The following FRMD5 variants were observed in gnomAD, a reference collection of about 807,000 sequenced individuals.
FRMD5 encodes FERM domain-containing protein 5.
Under a neutral mutation model 69.0 loss-of-function variants are expected in FRMD5, and 20 were observed. That is an observed-to-expected ratio of 0.29 (90% CI 0.20 to 0.42). FRMD5 has a LOEUF of 0.42. Among genes scored for constraint, FRMD5 ranks in the 10% least tolerant of loss-of-function variants. The pLI is 1.00. For synonymous variants in FRMD5, 271 were observed against 260.1 expected, an observed-to-expected ratio of 1.04 and a Z score of -0.40; for missense variants, 595 against 708.6, an observed-to-expected ratio of 0.84 and a Z score of 1.82.
intron 1 of FRMD5, among the ~76,000 whole-genome samples, chr15:44,023,075 G>A (rs1566904495): frequency 6.6e-6 from 1 of 152,116 alleles, no homozygotes; most frequent in Non-Finnish European, 1.5e-5. Context: ...TGTTAGATAT[G>A]TATTTATGCA....
At chr15:44,029,094 A>T (rs1003433096) in intron 1 of FRMD5, among the ~76,000 whole-genome samples, 6 of 152,226 alleles carry the variant, frequency 3.9e-5, no homozygotes, top group African/African-American at 1.4e-4. Context: ...AAGAGGCCAT[A>T]GTGAGAGGAA....
At chr15:44,046,743 C>T (rs1487887420) in intron 1 of FRMD5, among the ~76,000 whole-genome samples, 2 of 152,086 alleles carry the variant, frequency 1.3e-5, no homozygotes, top group South Asian at 2.1e-4. Flanking sequence ...TTAGTGTTTG[C>T]AAATTCTTGG....
At chr15:44,132,653 T>G (rs1358037913) in intron 1 of FRMD5, among the ~76,000 whole-genome samples, 3 of 152,168 alleles carry the variant, frequency 2.0e-5, no homozygotes, top group Non-Finnish European at 4.4e-5. Flanking sequence ...GGTCTCAAAC[T>G]GCTGGACTCA....
intron 1 of FRMD5, among the ~76,000 whole-genome samples, chr15:44,095,013 G>C (rs571002086): frequency 6.6e-6 from 1 of 151,936 alleles, no homozygotes; most frequent in Non-Finnish European, 1.5e-5. Context: ...CCGACATAGA[G>C]TCCCACCCAA....
intron 1 of FRMD5, among the ~76,000 whole-genome samples, chr15:43,951,676 T>C (rs1236982637): frequency 1.3e-5 from 2 of 152,230 alleles, no homozygotes; most frequent in African/African-American, 4.8e-5. Flanking sequence ...TTAGATGTTA[T>C]TGTCCTTTAA....
At chr15:44,041,220 A>G (rs758258706) in intron 1 of FRMD5, among the ~76,000 whole-genome samples, 26 of 152,188 alleles carry the variant, frequency 1.7e-4, no homozygotes, top group Admixed American at 5.2e-4. Context: ...CAGACCTACA[A>G]AGAGACTTAG....
At chr15:43,879,599 C>A (rs887634391) in intron 13 of FRMD5, 2 of 398,906 alleles carry the variant, frequency 5.0e-6, no homozygotes, top group Non-Finnish European at 8.8e-6. Flanking sequence ...CACTTAGGGG[C>A]CGAAAGCAGT....
rs11397296 is a variant in FRMD5, at chr15:43,996,715, A to ATTT, written c.103-72409_103-72407dup. Among the ~76,000 whole-genome samples the ATTT allele has an allele frequency of 5.1e-3, 439 of 86,000 alleles. 5 individuals are homozygous for ATTT. The highest frequency in any genetic ancestry group is 7.4e-3 in the East Asian group (18 of 2,430). 56.4% of individuals were successfully genotyped at this position (86,000 alleles called of 152,430 possible). On this transcript the variant is annotated intron_variant, in intron 1 of 13. Transcript: ENST00000417257. Reference sequence around the variant, plus strand: ...TTTTTTTTTTTAAGCTCCTCAGCTGATTTTTTTTTTTTTTTTTTTTTGTAT... The same window carrying ATTT: ...TTTTTTTTTTTAAGCTCCTCAGCTGATTTTTTTTTTTTTTTTTTTTTTTTGTAT...
intron 1 of FRMD5, among the ~76,000 whole-genome samples, chr15:44,018,292 G>A (rs1891060689): frequency 6.6e-6 from 1 of 152,184 alleles, no homozygotes; most frequent in Non-Finnish European, 1.5e-5. Flanking sequence ...CAAAGGAACA[G>A]TTAAGCAGTA....
chr15:44,135,295 G>C (rs756072922), intron 1 of FRMD5, among the ~76,000 whole-genome samples: 3 of 152,164 alleles, frequency 2.0e-5, no homozygotes, highest in Non-Finnish European at 2.9e-5. Context: ...GCAAATTTCA[G>C]AAACTAGGAG....
chr15:44,072,320 G>GGTAT (rs1210852017), intron 1 of FRMD5, among the ~76,000 whole-genome samples: 1 of 152,114 alleles, frequency 6.6e-6, no homozygotes, highest in East Asian at 1.9e-4. Flanking sequence ...TAAGGAACAG[G>GGTAT]GTATGCCTCT....
Position 43,873,149 on chromosome 15 carries a change from TAGACTAAGGGGAC to T in FRMD5, c.*723_*735del. 1 of 1,547,582 alleles carries T rather than the reference TAGACTAAGGGGAC, an allele frequency of 6.5e-7. No individual in the cohort carries two copies. The highest frequency in any genetic ancestry group is 8.7e-7 in the Non-Finnish European group (1 of 1,144,334). The stretch of plus-strand genomic sequence containing the variant: ...AACTATGGTGATGCCCACTAGGCTC[TAGACTAAGGGGAC>T]AGACTTACCCCACCCCTGATGCTGC... On this transcript the variant is annotated 3_prime_UTR_variant, in exon 14 of 14. Transcript: ENST00000417257.
chr15:43,927,604 T>C (rs905809699), intron 1 of FRMD5, among the ~76,000 whole-genome samples: 41 of 152,228 alleles, frequency 2.7e-4, no homozygotes, highest in Non-Finnish European at 1.8e-4. Context: ...ATGCAGCATA[T>C]CCTATACTAT....
At chr15:43,884,228 G>C (rs2088607353) in intron 12 of FRMD5, among the ~76,000 whole-genome samples, 1 of 152,192 alleles carries the variant, frequency 6.6e-6, no homozygotes, top group African/African-American at 2.4e-5. Flanking sequence ...CCCCTTCCCA[G>C]AGGCAAAGGC....
intron 1 of FRMD5, among the ~76,000 whole-genome samples, chr15:43,927,804 A>G (rs969509551): frequency 2.0e-5 from 3 of 152,184 alleles, no homozygotes; most frequent in Admixed American, 1.3e-4. Flanking sequence ...CGGGCTGAAG[A>G]AGTTTGCTTC....
chr15:43,950,133 T>C (rs2090004734), intron 1 of FRMD5, among the ~76,000 whole-genome samples: 1 of 152,204 alleles, frequency 6.6e-6, no homozygotes, highest in Admixed American at 6.5e-5. Context: ...TGCTCAGTGG[T>C]CTCAGCCCTC....
At chr15:43,917,392 G>GA (rs2089409984) in intron 4 of FRMD5, among the ~76,000 whole-genome samples, 1 of 151,960 alleles carries the variant, frequency 6.6e-6, no homozygotes, top group Admixed American at 6.6e-5. Context: ...CAAAACTCTT[G>GA]AAAAAAATTT....
intron 1 of FRMD5, among the ~76,000 whole-genome samples, chr15:43,945,867 C>G (rs954164742): frequency 9.9e-5 from 15 of 152,180 alleles, no homozygotes; most frequent in African/African-American, 3.6e-4. Context: ...ACCAGCCTGG[C>G]CAAGACGGTG....
intron 1 of FRMD5, among the ~76,000 whole-genome samples, chr15:44,109,484 GT>G (rs574653775): frequency 6.6e-5 from 10 of 150,624 alleles, no homozygotes; most frequent in African/African-American, 1.2e-4. Context: ...AATAAATTTT[GT>G]TTTTTTTAAG....
Sources: gnomAD v4.1 joint callset for allele counts (sites outside exome capture counted in the v4.1 genomes callset) on GRCh38, gnomAD v4.1.1 for gene constraint, MANE v1.5 for transcripts, NCBI Gene and HGNC (gene_info 2026-07-23, HGNC 2026-07-21) for gene names.